The following MEIOB variants were observed in gnomAD, a reference collection of about 807,000 sequenced individuals.
MEIOB encodes the protein meiosis specific with OB-fold.
Under a neutral mutation model 53.1 loss-of-function variants are expected in MEIOB, and 50 were observed. That is an observed-to-expected ratio of 0.94 (90% CI 0.75 to 1.19). MEIOB has a LOEUF of 1.19. Ranked by LOEUF, MEIOB falls within the 50% of genes most tolerant of loss-of-function variation. MEIOB has a pLI of 0.00. For synonymous variants in MEIOB, 192 were observed against 182.5 expected (o/e 1.05, Z -0.42); for missense variants, 551 against 550.8 (o/e 1.00, Z 0.00).
At chr16:1,868,979 A>G (rs190094088) in intron 1 of MEIOB, among the ~76,000 whole-genome samples, 1 of 152,282 alleles carries the variant, frequency 6.6e-6, no homozygotes, top group African/African-American at 2.4e-5. Flanking sequence ...TATAAAAAAC[A>G]TGTTCAGAAT....
chr16:1,852,989 A>T (rs748750955), intron 9 of MEIOB, 50 bp downstream of exon 9: 2 of 1,082,472 alleles, frequency 1.8e-6, no homozygotes, highest in Non-Finnish European at 2.8e-6. Flanking sequence ...AAATATTGAA[A>T]TGTGTTCAGT....
chr16:1,853,328 T>A, intron 7 of MEIOB, 57 bp from the exon 8 acceptor site: 1 of 1,290,346 alleles, frequency 7.7e-7, no homozygotes, highest in Non-Finnish European at 1.1e-6. Flanking sequence ...AAACTGATAG[T>A]GACATATTAT....
At position 1,834,208 on chromosome 16, in the gene MEIOB, G is replaced by A. The variant is rs1898676940; in HGVS notation, c.*48C>T. ...TTCAAATTAATATTCCATTTTAAAGGGAGTTAAAACTCTTATACTTTTCCA... is the reference window on the plus strand; with the variant it reads ...TTCAAATTAATATTCCATTTTAAAGAGAGTTAAAACTCTTATACTTTTCCA... On this transcript the variant is annotated 3_prime_UTR_variant, in exon 14 of 14. Coordinates refer to ENST00000325962, the MANE Select transcript of MEIOB (RefSeq NM_001163560.3). 1.1e-6 allele frequency: 1 copy of A among 925,858 alleles called. No homozygotes were observed. The highest frequency in any genetic ancestry group is 1.7e-6 in the Non-Finnish European group (1 of 578,244). 57.4% of individuals were successfully genotyped at this position (925,858 alleles called of 1,614,324 possible). A position where few individuals can be genotyped will look rare whatever the true frequency, so the allele number is the denominator to read the frequency against.
chr16:1,853,388 G>T, intron 7 of MEIOB, 117 bp from the exon 8 acceptor site: 1 of 781,762 alleles, frequency 1.3e-6, no homozygotes, highest in Non-Finnish European at 2.1e-6. Flanking sequence ...CATCCCCAAG[G>T]TGGTCAAAGA....
chr16:1,867,020 A>G (rs74002728), intron 2 of MEIOB, among the ~76,000 whole-genome samples: 1,527 of 152,320 alleles, frequency 0.01, 24 homozygotes, highest in African/African-American at 0.035. Flanking sequence ...CTATCTGAAG[A>G]GACCATTATT....
chr16:1,836,339 G>C (rs920038182), intron 13 of MEIOB, among the ~76,000 whole-genome samples: 16 of 152,216 alleles, frequency 1.1e-4, no homozygotes, highest in African/African-American at 3.6e-4. Flanking sequence ...GTATCCACTT[G>C]AGGGTCATTC....
At chr16:1,858,254 C>T (rs1184741436) in intron 5 of MEIOB, among the ~76,000 whole-genome samples, 4 of 152,138 alleles carry the variant, frequency 2.6e-5, no homozygotes, top group Non-Finnish European at 5.9e-5. Context: ...TATACAAACC[C>T]AAGGACTGGT....
intron 1 of MEIOB, among the ~76,000 whole-genome samples, chr16:1,869,725 A>G (rs1333618671): frequency 6.6e-6 from 1 of 152,134 alleles, no homozygotes; most frequent in Admixed American, 6.6e-5. Context: ...TGCTGGGATT[A>G]CAGGCATGAG....
At chr16:1,839,484 C>T in intron 11 of MEIOB, 46 bp from the exon 12 acceptor site, 1 of 1,506,074 alleles carries the variant, frequency 6.6e-7, no homozygotes, top group Non-Finnish European at 9.0e-7. Flanking sequence ...CCCTAAGCTA[C>T]AAATTTCATC....
At chr16:1,869,005 T>C (rs1355359632) in intron 1 of MEIOB, among the ~76,000 whole-genome samples, 2 of 152,214 alleles carry the variant, frequency 1.3e-5, no homozygotes, top group Non-Finnish European at 2.9e-5. Flanking sequence ...TTTATAATTT[T>C]GAATGATATA....
Position 1,860,794 on chromosome 16 carries a change from A to G in MEIOB, c.260-319T>C, listed in dbSNP as rs564207073. On this transcript the variant is annotated intron_variant, in intron 4 of 13. Transcript: ENST00000325962. ...TTCAATGACCCTATTATTCAACTAG[A>G]GAGATACCATACATTGTCCTGAAAG... Among the ~76,000 whole-genome samples the G allele has an allele frequency of 3.3e-5, 5 of 152,300 alleles. No individual in the cohort carries two copies. In the South Asian group the frequency reaches 6.2e-4, roughly 19 times the overall value.
chr16:1,869,712 A>G (rs1357353006), intron 1 of MEIOB, among the ~76,000 whole-genome samples: 1 of 151,982 alleles, frequency 6.6e-6, no homozygotes, highest in Non-Finnish European at 1.5e-5. Context: ...CGGCCTCCCA[A>G]AGTGCTGGGA....
At chr16:1,845,559 GAATA>G (rs752000018) in intron 9 of MEIOB, among the ~76,000 whole-genome samples, 4 of 151,970 alleles carry the variant, frequency 2.6e-5, no homozygotes, top group Non-Finnish European at 2.9e-5. Flanking sequence ...TTATCTGGAA[GAATA>G]TATACGAAAA....
At chr16:1,855,690 A>C (rs892629035) in intron 6 of MEIOB, among the ~76,000 whole-genome samples, 10 of 152,204 alleles carry the variant, frequency 6.6e-5, no homozygotes, top group African/African-American at 2.2e-4. Flanking sequence ...CACTCCTTTG[A>C]ACAACTGAAT....
intron 5 of MEIOB, among the ~76,000 whole-genome samples, chr16:1,858,361 G>A (rs1220055231): frequency 6.6e-6 from 1 of 152,130 alleles, no homozygotes; most frequent in East Asian, 1.9e-4. Flanking sequence ...TGGAGCAGAC[G>A]CAGAACACTG....
At chr16:1,849,075 A>C (rs888822599) in intron 9 of MEIOB, among the ~76,000 whole-genome samples, 1 of 151,464 alleles carries the variant, frequency 6.6e-6, no homozygotes. Context: ...ACTTGAGCCC[A>C]GCAGTTTGAG....
At chr16:1,862,200 T>C in intron 3 of MEIOB, 84 bp from the exon 4 acceptor site, 1 of 1,040,396 alleles carries the variant, frequency 9.6e-7, no homozygotes, top group Non-Finnish European at 1.4e-6. Context: ...CATGAAAAGT[T>C]TCATTTCAAT....
At chr16:1,847,127 C>G (rs1899046670) in intron 9 of MEIOB, among the ~76,000 whole-genome samples, 1 of 152,064 alleles carries the variant, frequency 6.6e-6, no homozygotes. Context: ...TGCACTCCAG[C>G]CTGGGCGACA....
chr16:1,846,824 G>C (rs991633457), intron 9 of MEIOB, among the ~76,000 whole-genome samples: 4 of 152,140 alleles, frequency 2.6e-5, no homozygotes, highest in Non-Finnish European at 4.4e-5. Flanking sequence ...AGGGGAGGGA[G>C]AGCATCAGGA....
Sources: gnomAD v4.1 joint callset for allele counts (sites outside exome capture counted in the v4.1 genomes callset) on GRCh38, gnomAD v4.1.1 for gene constraint, MANE v1.5 for transcripts, NCBI Gene and HGNC (gene_info 2026-07-23, HGNC 2026-07-21) for gene names.